The following KLHL3 variants were observed in gnomAD, a reference collection of about 807,000 sequenced individuals.
KLHL3 encodes kelch-like protein 3.
Under a neutral mutation model 70.5 loss-of-function variants are expected in KLHL3, and 19 were observed. The ratio of observed to expected loss-of-function variants is 0.27; its 90% CI spans 0.19 to 0.40. KLHL3 has a LOEUF of 0.40. Among genes scored for constraint, KLHL3 ranks in the 10% least tolerant of loss-of-function variants. KLHL3 has a pLI of 1.00. For missense variants in KLHL3, 512 were observed against 771.1 expected (o/e 0.66, Z 3.98); for synonymous variants, 258 against 290.3 (o/e 0.89, Z 1.13).
intron 1 of KLHL3, 131 bp from the exon 2 acceptor site, chr5:137,720,715 T>C (rs908855254): frequency 3.3e-6 from 5 of 1,502,782 alleles, no homozygotes; most frequent in African/African-American, 2.8e-5. Context: ...ACAGACCCAA[T>C]AGGAAAGACA....
rs199981979 is a variant in KLHL3, at chr5:137,628,704, T to A, written c.1451-267A>T. On this transcript the variant is annotated intron_variant, in intron 12 of 14. Coordinates refer to ENST00000309755, the MANE Select transcript of KLHL3 (RefSeq NM_017415.3). Reference sequence around the variant, plus strand: ...TTTAAAAAACATTAAAAAATATATATATATATATACACACACACAGACAGA... The same window carrying A: ...TTTAAAAAACATTAAAAAATATATAAATATATATACACACACACAGACAGA... The A allele has an allele frequency of 5.5e-4, 125 of 227,010 alleles. 2 individuals are homozygous for A. Among genetic ancestry groups the A allele is most frequent in the Middle Eastern group, 1.4e-3 (1 of 728 alleles). The allele number at this position is 227,010 out of a possible 1,614,324, so 14.1% of individuals were successfully genotyped here. A position where few individuals can be genotyped will look rare whatever the true frequency, so the allele number is the denominator to read the frequency against.
At chr5:137,704,320 G>A (rs949095402) in intron 3 of KLHL3, among the ~76,000 whole-genome samples, 1 of 152,136 alleles carries the variant, frequency 6.6e-6, no homozygotes, top group African/African-American at 2.4e-5. Context: ...GGGAAGCGGA[G>A]CTTGCAGTGA....
intron 7 of KLHL3, chr5:137,661,673 G>A (rs1027597750): frequency 1.5e-5 from 6 of 400,428 alleles, no homozygotes; most frequent in Middle Eastern, 6.5e-4. Flanking sequence ...GGCTTGAAGA[G>A]GTTAAATAAA....
At chr5:137,652,241 T>G (rs546605786) in intron 8 of KLHL3, among the ~76,000 whole-genome samples, 1 of 152,134 alleles carries the variant, frequency 6.6e-6, no homozygotes, top group Non-Finnish European at 1.5e-5. Context: ...ACAGCCACCA[T>G]GGAAAACAGT....
At chr5:137,635,808 C>T (rs1183082984) in intron 11 of KLHL3, among the ~76,000 whole-genome samples, 1 of 152,196 alleles carries the variant, frequency 6.6e-6, no homozygotes, top group Non-Finnish European at 1.5e-5. Context: ...TGCTACAAGA[C>T]AGCACTTCTT....
chr5:137,692,259 G>A, intron 5 of KLHL3, 26 bp downstream of exon 5: 4 of 1,599,546 alleles, frequency 2.5e-6, no homozygotes, highest in Non-Finnish European at 3.4e-6. Context: ...ACTCGGAGGA[G>A]GTGCAGCAGT....
At chr5:137,667,058 C>A (rs898364583) in intron 6 of KLHL3, among the ~76,000 whole-genome samples, 3 of 152,182 alleles carry the variant, frequency 2.0e-5, no homozygotes, top group African/African-American at 7.2e-5. Flanking sequence ...GGTCTAATAG[C>A]AGGGGGGTTG....
intron 12 of KLHL3, among the ~76,000 whole-genome samples, chr5:137,633,401 G>A (rs1171588582): frequency 6.7e-6 from 1 of 150,256 alleles, no homozygotes; most frequent in Non-Finnish European, 1.5e-5. Flanking sequence ...TGGAAAAACA[G>A]TATGGGGATT....
intron 10 of KLHL3, 33 bp downstream of exon 10, chr5:137,638,920 C>CTAG (rs760772891): frequency 3.1e-6 from 5 of 1,599,198 alleles, no homozygotes; most frequent in Non-Finnish European, 4.3e-6. Flanking sequence ...GTGTCCCAGG[C>CTAG]TAGGAGGGGT....
At chr5:137,667,144 C>T (rs987591669) in intron 6 of KLHL3, among the ~76,000 whole-genome samples, 1 of 152,214 alleles carries the variant, frequency 6.6e-6, no homozygotes, top group African/African-American at 2.4e-5. Context: ...GGCAGCCACA[C>T]TCATCGTTTA....
intron 7 of KLHL3, among the ~76,000 whole-genome samples, chr5:137,659,679 A>G (rs1275617333): frequency 6.6e-6 from 1 of 152,194 alleles, no homozygotes; most frequent in Non-Finnish European, 1.5e-5. Flanking sequence ...GCTTGAATTA[A>G]AAGTTCTCCT....
chr5:137,646,784 C>T (rs1751057083), intron 8 of KLHL3, among the ~76,000 whole-genome samples: 1 of 152,178 alleles, frequency 6.6e-6, no homozygotes, highest in African/African-American at 2.4e-5. Flanking sequence ...ATCAAATCAG[C>T]TTATTTAATG....
At chr5:137,706,499 G>A (rs1752688371) in intron 3 of KLHL3, 1 of 389,150 alleles carries the variant, frequency 2.6e-6, no homozygotes, top group African/African-American at 2.2e-5. Flanking sequence ...TGCGGCACAT[G>A]TCTCAAAAGT....
intron 1 of KLHL3, among the ~76,000 whole-genome samples, chr5:137,734,509 G>A (rs1389916942): frequency 6.6e-6 from 1 of 152,206 alleles, no homozygotes; most frequent in Non-Finnish European, 1.5e-5. Flanking sequence ...GTCTAGAGAT[G>A]TTTAATGGCA....
intron 4 of KLHL3, among the ~76,000 whole-genome samples, chr5:137,693,226 G>A (rs947040662): frequency 6.6e-6 from 1 of 152,100 alleles, no homozygotes; most frequent in Admixed American, 6.5e-5. Flanking sequence ...CTCAGGCAAC[G>A]ACACTTTATT....
chr5:137,726,415 G>A (rs770161866), intron 1 of KLHL3, among the ~76,000 whole-genome samples: 4 of 152,086 alleles, frequency 2.6e-5, no homozygotes, highest in East Asian at 1.9e-4. Context: ...CAGATGAACC[G>A]TTCACTGCAG....
intron 13 of KLHL3, among the ~76,000 whole-genome samples, chr5:137,626,983 C>T (rs535752131): frequency 5.3e-4 from 78 of 146,298 alleles, no homozygotes; most frequent in Middle Eastern, 7.0e-3. Context: ...CCTGAGAGAG[C>T]GAGATCCTGT....
intron 12 of KLHL3, 130 bp downstream of exon 12, chr5:137,633,907 G>A (rs569251297): frequency 4.9e-5 from 60 of 1,215,332 alleles, no homozygotes; most frequent in Non-Finnish European, 6.5e-5. Flanking sequence ...GCCCAAACTC[G>A]ACCATTATGC....
intron 6 of KLHL3, among the ~76,000 whole-genome samples, chr5:137,668,640 T>C (rs1485603615): frequency 2.6e-5 from 4 of 152,194 alleles, no homozygotes; most frequent in African/African-American, 7.2e-5. Flanking sequence ...ATTCCTGTTT[T>C]TGTTTCTTAA....
Sources: gnomAD v4.1 joint callset for allele counts (sites outside exome capture counted in the v4.1 genomes callset) on GRCh38, gnomAD v4.1.1 for gene constraint, MANE v1.5 for transcripts, NCBI Gene and HGNC (gene_info 2026-07-23, HGNC 2026-07-21) for gene names.